OTUD4: variants seen among roughly 807,000 people sequenced by gnomAD.
OTUD4 encodes the protein OTU deubiquitinase 4.
Under a neutral mutation model 130.4 loss-of-function variants are expected in OTUD4, and 24 were observed. That is an observed-to-expected ratio of 0.18 (90% CI 0.13 to 0.26). OTUD4 has a LOEUF of 0.26. OTUD4 is among the 10% of genes least tolerant of loss of function. The pLI is 1.00. For missense variants in OTUD4, 1,031 were observed against 1,329.4 expected (o/e 0.78, Z 3.49); for synonymous variants, 420 against 472.5 (o/e 0.89, Z 1.44).
chr4:145,174,553 C>A, intron 2 of OTUD4, 108 bp downstream of exon 2: 25 of 630,304 alleles, frequency 4.0e-5, no homozygotes, highest in Middle Eastern at 2.6e-4. Flanking sequence ...GTGTTATTTT[C>A]ATAACCCGCA....
chr4:145,144,449 A>C lies in OTUD4; in HGVS notation c.1423-15T>G, dbSNP rs1750727332. 1 of 1,605,206 alleles carries C rather than the reference A, an allele frequency of 6.2e-7. No individual in the cohort carries two copies. The highest frequency in any genetic ancestry group is 8.5e-7 in the Non-Finnish European group (1 of 1,176,592). ...ACTGATGAGCTCTTTAAAATGAACA[A>C]AACCCAACATTTTGTGTTAAAGATT... On this transcript the variant is annotated splice_polypyrimidine_tract_variant and intron_variant, in intron 14 of 20. Transcript: ENST00000447906.
At chr4:145,166,161 CAA>C (rs547859874) in intron 3 of OTUD4, among the ~76,000 whole-genome samples, 9 of 110,272 alleles carry the variant, frequency 8.2e-5, no homozygotes, top group Non-Finnish European at 3.8e-5. Context: ...AACTCGGTCT[CAA>C]AAAAAAAAAA....
chr4:145,173,942 T>C (rs1752298339), intron 2 of OTUD4, among the ~76,000 whole-genome samples: 1 of 152,152 alleles, frequency 6.6e-6, no homozygotes, highest in African/African-American at 2.4e-5. Context: ...TATGAATGCC[T>C]TCTGATAAAA....
rs1383304248 is a variant in OTUD4, at chr4:145,180,094, A to G, written c.-121T>C. On this transcript the variant is annotated 5_prime_UTR_variant, in exon 1 of 21. Transcript: ENST00000447906. ...CTCGGGCTGGGGCTCGGGCTCCGCG[A>G]GCGGCGGCAGGCGGCGGCGGCCCGA... The G allele has an allele frequency of 1.3e-6, 1 of 779,440 alleles. No individual in the cohort carries two copies. Among genetic ancestry groups the G allele is most frequent in the Admixed American group, 5.4e-5 (1 of 18,516 alleles). The allele number at this position is 779,440 out of a possible 1,614,324, so 48.3% of individuals were successfully genotyped here. A position where few individuals can be genotyped will look rare whatever the true frequency, so the allele number is the denominator to read the frequency against.
chr4:145,137,708 T>C lies in OTUD4; in HGVS notation c.3067A>G (p.Ser1023Gly). The C allele has an allele frequency of 1.9e-6, 3 of 1,614,102 alleles. No individual in the cohort carries two copies. The highest frequency in any genetic ancestry group is 2.5e-6 in the Non-Finnish European group (3 of 1,180,014). The change falls in exon 21 of 21, where the codon AGT becomes GGT. Residue 1023 changes from serine (S) to glycine (G), a missense_variant. Around this residue, in one of 3 missense-constraint regions of OTUD4, gnomAD observed 900 missense variants for 1,095.9 expected, o/e 0.82. Coordinates refer to ENST00000447906, the MANE Select transcript of OTUD4 (RefSeq NM_001366057.1). Reference sequence around the variant, plus strand: ...GACACTTCATTTTCATCTTCTGAACTCTCTTCTTTTGGTCTTTGCACTCTG... The same window carrying C: ...GACACTTCATTTTCATCTTCTGAACCCTCTTCTTTTGGTCTTTGCACTCTG... ...DSRVQRPKEE[S>G]SEDENEVSNI...
At chr4:145,155,021 C>T (rs1004623183) in intron 10 of OTUD4, among the ~76,000 whole-genome samples, 4 of 152,136 alleles carry the variant, frequency 2.6e-5, no homozygotes, top group Non-Finnish European at 4.4e-5. Context: ...ATATTGTGTA[C>T]GTATCAACAT....
intron 17 of OTUD4, 43 bp downstream of exon 17, chr4:145,143,322 C>T (rs1238800077): frequency 2.4e-6 from 3 of 1,237,084 alleles, no homozygotes; most frequent in Non-Finnish European, 3.6e-6. Flanking sequence ...CACAGAAACC[C>T]AGAGAGTGGA....
rs1750328754 is a variant in OTUD4 at position 145,137,376 on chromosome 4, T to G, written c.*54A>C. 2 of 1,444,736 alleles carry G rather than the reference T, an allele frequency of 1.4e-6. No individual in the cohort carries two copies. The highest frequency in any genetic ancestry group is 1.4e-5 in the African/African-American group (1 of 70,540). 89.5% of individuals were successfully genotyped at this position (1,444,736 alleles called of 1,614,324 possible). ...ACTTTATTGTATTTTTTTTAAAGCCTTCAGAAACATTCCACCTAAGAGTTT... is the reference window on the plus strand; with the variant it reads ...ACTTTATTGTATTTTTTTTAAAGCCGTCAGAAACATTCCACCTAAGAGTTT... On this transcript the variant is annotated 3_prime_UTR_variant, in exon 21 of 21. Transcript: ENST00000447906.
At position 145,155,528 on chromosome 4, in the gene OTUD4, C is replaced by T. The variant is rs866115229; in HGVS notation, c.808+41G>A. The T allele has an allele frequency of 6.3e-6, 10 of 1,597,880 alleles. No individual in the cohort carries two copies. The Middle Eastern group carries it at 1.5e-3, about 240-fold the overall frequency. ...TATAAAGTTGACTTATTTTCAAGTG[C>T]TACAAAGCAAATTTATGGAAAATGC... is the stretch of plus-strand genomic sequence containing the variant. On this transcript the variant is annotated intron_variant, in intron 9 of 20. Coordinates refer to ENST00000447906, the MANE Select transcript of OTUD4 (RefSeq NM_001366057.1).
chr4:145,178,348 T>C (rs1218217245), intron 1 of OTUD4, among the ~76,000 whole-genome samples: 1 of 152,232 alleles, frequency 6.6e-6, no homozygotes, highest in Admixed American at 6.5e-5. Flanking sequence ...CCGCCATTTA[T>C]TTCTACCTCC....
intron 11 of OTUD4, among the ~76,000 whole-genome samples, chr4:145,151,857 T>C (rs1560985069): frequency 2.6e-5 from 4 of 152,198 alleles, no homozygotes; most frequent in Non-Finnish European, 5.9e-5. Flanking sequence ...TAACACTGTA[T>C]AAGGTAAGCC....
Position 145,143,363 on chromosome 4 carries a change from ACTTGTT to A in OTUD4, c.1679_1683+1del. ...CAATGTTAAATGCAACAATATACTTACTTGTTCCGCAGGAGAAGGGCACTCTAACTT... is the reference window on the plus strand; with the variant it reads ...CAATGTTAAATGCAACAATATACTTACCGCAGGAGAAGGGCACTCTAACTT... On this transcript the variant is annotated splice_donor_variant and coding_sequence_variant, in exon 17 of 21. Coordinates refer to ENST00000447906, the MANE Select transcript of OTUD4 (RefSeq NM_001366057.1). LOFTEE classifies it high-confidence loss of function. 3 of 1,575,344 alleles carry A rather than the reference ACTTGTT, an allele frequency of 1.9e-6. No homozygotes were observed. Among genetic ancestry groups the A allele is most frequent in the Non-Finnish European group, 2.6e-6 (3 of 1,145,026 alleles).
intron 10 of OTUD4, 37 bp downstream of exon 10, chr4:145,155,374 A>T (rs1353076007): frequency 1.3e-6 from 2 of 1,553,754 alleles, no homozygotes; most frequent in African/African-American, 2.7e-5. Context: ...GCAAAGTTTC[A>T]AGTAAAATCT....
At chr4:145,169,673 G>A (rs989360526) in intron 3 of OTUD4, among the ~76,000 whole-genome samples, 3 of 152,036 alleles carry the variant, frequency 2.0e-5, no homozygotes, top group African/African-American at 7.2e-5. Flanking sequence ...TTTTGGTAGA[G>A]ACAGGGTTTC....
At position 145,164,156 on chromosome 4, in the gene OTUD4, T is replaced by G. The variant is rs1751731603; in HGVS notation, c.412A>C (p.Lys138Gln). 7.1e-7 allele frequency: 1 copy of G among 1,407,748 alleles called. No homozygotes were observed. Among genetic ancestry groups the G allele is most frequent in the Non-Finnish European group, 9.8e-7 (1 of 1,016,916 alleles). 87.2% of individuals were successfully genotyped at this position (1,407,748 alleles called of 1,614,324 possible). ...SQVTENNFPE[K>Q]VLLCFSNGNH... ...AGAACACTTTGAAAAATTCTTACCT[T>G]TTCAGGAAAATTATTTTCTGTTACT... is the stretch of plus-strand genomic sequence containing the variant. Residue 138 changes from lysine (K) to glutamine (Q), a missense_variant and splice_region_variant, in exon 5 of 21, where the codon AAG becomes CAG. By Grantham distance (53) the Lys-to-Gln change is moderately conservative (BLOSUM62 1). Around this residue, in one of 3 missense-constraint regions of OTUD4, gnomAD observed 77 missense variants for 172.9 expected, o/e 0.45. Transcript: ENST00000447906.
rs773190227 is a variant in OTUD4 at position 145,144,013 on chromosome 4, C to A, written c.1547-12G>T. ...TCCATGAATAGAGTCTATAGCAGATCAAGATTAAAAAAGACAGCATAAGCC... is the reference window on the plus strand; with the variant it reads ...TCCATGAATAGAGTCTATAGCAGATAAAGATTAAAAAAGACAGCATAAGCC... On this transcript the variant is annotated splice_polypyrimidine_tract_variant and intron_variant, in intron 15 of 20. Coordinates refer to ENST00000447906, the MANE Select transcript of OTUD4 (RefSeq NM_001366057.1). 2.5e-6 allele frequency: 4 copies of A among 1,606,984 alleles called. No homozygotes were observed. Among genetic ancestry groups the A allele is most frequent in the Non-Finnish European group, 3.4e-6 (4 of 1,174,670 alleles).
intron 10 of OTUD4, among the ~76,000 whole-genome samples, chr4:145,153,752 A>C (rs562116497): frequency 1.3e-5 from 2 of 152,326 alleles, no homozygotes; most frequent in South Asian, 2.1e-4. Flanking sequence ...GCAACCTCCC[A>C]CTTTTAGCAG....
At chr4:145,162,890 G>A (rs887798257) in intron 5 of OTUD4, among the ~76,000 whole-genome samples, 169 bp from the exon 6 acceptor site, 3 of 152,102 alleles carry the variant, frequency 2.0e-5, no homozygotes, top group Non-Finnish European at 4.4e-5. Context: ...ACATCCATAT[G>A]CTGAAATGTT....
rs1461737342 is a variant in OTUD4 at position 145,175,217 on chromosome 4, T to TA, written c.160-474dup. On this transcript the variant is annotated intron_variant, in intron 1 of 20. Coordinates refer to ENST00000447906, the MANE Select transcript of OTUD4 (RefSeq NM_001366057.1). ...TTTTCCCATTAATTCTGAATCCACTTAGAGGCTCTGTGTAAAAATTTAAGT... is the reference window on the plus strand; with the variant it reads ...TTTTCCCATTAATTCTGAATCCACTTAAGAGGCTCTGTGTAAAAATTTAAGT... Among the ~76,000 whole-genome samples, 5 of 152,234 alleles carry TA rather than the reference T, an allele frequency of 3.3e-5. 1 individual carries two copies. The highest frequency in any genetic ancestry group is 3.3e-4 in the Admixed American group (5 of 15,284).
Sources: gnomAD v4.1 joint callset for allele counts (sites outside exome capture counted in the v4.1 genomes callset) on GRCh38, gnomAD v4.1.1 for gene constraint, gnomAD v4.1.1 regional missense constraint, MANE v1.5 for transcripts, NCBI Gene and HGNC (gene_info 2026-07-23, HGNC 2026-07-21) for gene names.